The following SUSD6 variants were observed in gnomAD, a reference collection of about 807,000 sequenced individuals.
The protein encoded by SUSD6 is sushi domain-containing protein 6.
A neutral mutation model predicts 28.4 loss-of-function variants in SUSD6; 16 were observed. The ratio of observed to expected loss-of-function variants is 0.56; its 90% CI spans 0.38 to 0.86. The LOEUF is 0.86. Ranked by LOEUF, SUSD6 falls within the 40% of genes least tolerant of loss-of-function variation. The pLI, the probability that SUSD6 is intolerant of heterozygous loss-of-function variation, is 0.00. For synonymous variants in SUSD6, 147 were observed against 159.6 expected, an observed-to-expected ratio of 0.92 and a Z score of 0.59; for missense variants, 341 against 384.2, an observed-to-expected ratio of 0.89 and a Z score of 0.94.
intron 5 of SUSD6, among the ~76,000 whole-genome samples, chr14:69,709,552 T>A (rs374130278): frequency 6.6e-6 from 1 of 152,244 alleles, no homozygotes; most frequent in South Asian, 2.1e-4. Context: ...TAGTTTGTTT[T>A]CTTGCACTAT....
At chr14:69,630,421 C>T (rs1885176658) in intron 1 of SUSD6, among the ~76,000 whole-genome samples, 1 of 152,182 alleles carries the variant, frequency 6.6e-6, no homozygotes, top group Admixed American at 6.5e-5. Flanking sequence ...CATTTCTGCA[C>T]AACTTAATTA....
At chr14:69,670,784 C>CA (rs1566600095) in intron 2 of SUSD6, among the ~76,000 whole-genome samples, 1 of 152,208 alleles carries the variant, frequency 6.6e-6, no homozygotes, top group Admixed American at 6.5e-5. Context: ...CCCGCTGTTG[C>CA]GGGGAGTCTG....
intron 1 of SUSD6, among the ~76,000 whole-genome samples, chr14:69,658,222 C>T (rs1200940034): frequency 6.6e-6 from 1 of 152,216 alleles, no homozygotes; most frequent in African/African-American, 2.4e-5. Flanking sequence ...GCTGGAGCCT[C>T]CAGGCAGGCG....
intron 1 of SUSD6, among the ~76,000 whole-genome samples, chr14:69,631,463 G>A (rs1379307756): frequency 6.6e-6 from 1 of 152,184 alleles, no homozygotes; most frequent in African/African-American, 2.4e-5. Context: ...GTGTAAGCTT[G>A]GATAGGTTAT....
At chr14:69,709,357 G>C (rs1263391433) in intron 5 of SUSD6, among the ~76,000 whole-genome samples, 1 of 152,148 alleles carries the variant, frequency 6.6e-6, no homozygotes, top group Non-Finnish European at 1.5e-5. Flanking sequence ...CATAGTCACA[G>C]AGCCTTGCTA....
intron 1 of SUSD6, among the ~76,000 whole-genome samples, chr14:69,627,877 A>T (rs1400019873): frequency 1.3e-5 from 2 of 151,546 alleles, no homozygotes; most frequent in African/African-American, 4.8e-5. Context: ...TTAGTCTCAT[A>T]TGGAAGTGCT....
Position 69,670,392 on chromosome 14 carries a change from A to G in SUSD6, c.121+11679A>G, listed in dbSNP as rs559792173. The G allele has an allele frequency of 1.8e-5, 8 of 448,172 alleles. No homozygotes were observed. The East Asian group carries it at 4.9e-4, about 28-fold the overall frequency. 27.8% of individuals were successfully genotyped at this position (448,172 alleles called of 1,614,324 possible). The stretch of plus-strand genomic sequence containing the variant: ...AGAACAATTCCATGTGATACATGCT[A>G]TAATCAGGAAAGTACTGCACTACAC... On this transcript the variant is annotated intron_variant, in intron 2 of 5. Transcript: ENST00000342745.
At chr14:69,624,720 G>T (rs918918007) in intron 1 of SUSD6, among the ~76,000 whole-genome samples, 4 of 152,148 alleles carry the variant, frequency 2.6e-5, no homozygotes, top group Non-Finnish European at 4.4e-5. Context: ...CTCCCAAAGT[G>T]CTGGAATTAC....
chr14:69,644,397 A>G (rs957366065), intron 1 of SUSD6, among the ~76,000 whole-genome samples: 4 of 152,148 alleles, frequency 2.6e-5, no homozygotes, highest in African/African-American at 7.2e-5. Context: ...CACACCTGTA[A>G]TCCCAGCACT....
intron 1 of SUSD6, among the ~76,000 whole-genome samples, chr14:69,640,567 C>T (rs1437745404): frequency 6.6e-6 from 1 of 152,082 alleles, no homozygotes; most frequent in Non-Finnish European, 1.5e-5. Context: ...AAACTCCTCA[C>T]CTTGAGTGAT....
At chr14:69,627,657 G>A (rs544564129) in intron 1 of SUSD6, among the ~76,000 whole-genome samples, 1 of 152,042 alleles carries the variant, frequency 6.6e-6, no homozygotes, top group East Asian at 1.9e-4. Context: ...GTAGAGATGG[G>A]GTTTCACCGT....
intron 1 of SUSD6, among the ~76,000 whole-genome samples, chr14:69,644,352 A>C (rs1885395854): frequency 6.6e-6 from 1 of 152,070 alleles, no homozygotes. Flanking sequence ...ATGTTGCCTG[A>C]ATTAATTAAT....
At chr14:69,700,575 G>A (rs145927714) in intron 2 of SUSD6, among the ~76,000 whole-genome samples, 1 of 152,166 alleles carries the variant, frequency 6.6e-6, no homozygotes, top group Non-Finnish European at 1.5e-5. Flanking sequence ...GTTCTCAGAA[G>A]TTAACCTACA....
At chr14:69,694,094 AC>A (rs1346277509) in intron 2 of SUSD6, among the ~76,000 whole-genome samples, 1 of 55,566 alleles carries the variant, frequency 1.8e-5, no homozygotes, top group Non-Finnish European at 5.6e-5. Context: ...TACTAGGGAT[AC>A]AAAAATGAGC....
chr14:69,666,189 T>C (rs117434822), intron 2 of SUSD6, among the ~76,000 whole-genome samples: 2,070 of 152,308 alleles, frequency 0.014, 21 homozygotes, highest in Admixed American at 0.022. Context: ...TCTGAGTCCC[T>C]AAATTCTCAA....
chr14:69,666,369 TG>T (rs1885742040), intron 2 of SUSD6, among the ~76,000 whole-genome samples: 1 of 152,214 alleles, frequency 6.6e-6, no homozygotes, highest in Non-Finnish European at 1.5e-5. Context: ...TCCTCAGGGA[TG>T]CTATTTGTTA....
At chr14:69,638,018 T>C (rs1221248872) in intron 1 of SUSD6, among the ~76,000 whole-genome samples, 3 of 152,220 alleles carry the variant, frequency 2.0e-5, no homozygotes, top group African/African-American at 4.8e-5. Flanking sequence ...TCTTGCTGTG[T>C]TTTTGTTAAC....
intron 4 of SUSD6, among the ~76,000 whole-genome samples, chr14:69,708,186 C>G (rs1033477078): frequency 1.3e-5 from 2 of 152,200 alleles, no homozygotes; most frequent in African/African-American, 4.8e-5. Flanking sequence ...AGATATATTC[C>G]ACATACCATA....
At chr14:69,689,120 T>C (rs1236344323) in intron 2 of SUSD6, among the ~76,000 whole-genome samples, 2 of 152,218 alleles carry the variant, frequency 1.3e-5, no homozygotes, top group African/African-American at 4.8e-5. Context: ...CCCGTACTCA[T>C]GATCCTACTT....
Sources: gnomAD v4.1 joint callset for allele counts (sites outside exome capture counted in the v4.1 genomes callset) on GRCh38, gnomAD v4.1.1 for gene constraint, MANE v1.5 for transcripts, NCBI Gene and HGNC (gene_info 2026-07-23, HGNC 2026-07-21) for gene names.